Variants in PDIA5 observed in about 807,000 individuals in gnomAD.
The protein encoded by PDIA5 is protein disulfide-isomerase A5.
A neutral mutation model predicts 77.6 loss-of-function variants in PDIA5; 58 were observed. That is an observed-to-expected ratio of 0.75 (90% CI 0.61 to 0.93). The LOEUF (loss-of-function observed/expected upper bound fraction) is 0.93. PDIA5 is among the 40% of genes least tolerant of loss of function. PDIA5 has a pLI of 0.00. For synonymous variants in PDIA5, 250 were observed against 252.1 expected, an observed-to-expected ratio of 0.99 and a Z score of 0.08; for missense variants, 630 against 647.7, an observed-to-expected ratio of 0.97 and a Z score of 0.30.
Position 123,098,197 on chromosome 3 carries a change from C to T in PDIA5, c.258-4214C>T, listed in dbSNP as rs143565691. Among the ~76,000 whole-genome samples, 624 of 152,236 alleles carry T rather than the reference C, an allele frequency of 4.1e-3. 5 individuals carry two copies. The highest frequency in any genetic ancestry group is 0.014 in the African/African-American group (577 of 41,514). Reference sequence around the variant, plus strand: ...TCCATTCAGCTTATGTGGATAACTCCGGCATTTTGCAGCTCAGGAAACTAA... The same window carrying T: ...TCCATTCAGCTTATGTGGATAACTCTGGCATTTTGCAGCTCAGGAAACTAA... On this transcript the variant is annotated intron_variant, in intron 3 of 16. Coordinates refer to ENST00000316218, the MANE Select transcript of PDIA5 (RefSeq NM_006810.4).
At chr3:123,088,319 G>A (rs1297781086) in intron 1 of PDIA5, among the ~76,000 whole-genome samples, 3 of 152,098 alleles carry the variant, frequency 2.0e-5, no homozygotes, top group Non-Finnish European at 4.4e-5. Context: ...AGTTCCCGAA[G>A]TTTTCCAGGG....
chr3:123,115,046 G>A lies in PDIA5; in HGVS notation c.542-1185G>A, dbSNP rs991727988. 3.9e-5 allele frequency among the ~76,000 whole-genome samples: 6 copies of A among 152,230 alleles called. No homozygotes were observed. In the South Asian group the frequency reaches 6.2e-4, roughly 16 times the overall value. On this transcript the variant is annotated intron_variant, in intron 7 of 16. Coordinates refer to ENST00000316218, the MANE Select transcript of PDIA5 (RefSeq NM_006810.4). The stretch of plus-strand genomic sequence containing the variant: ...AGGAATGTTGGCCTTCTGGCTTCAC[G>A]GCCTGTCTAGGCGTCAGCTAAGCAT...
chr3:123,079,422 C>T (rs1018390605), intron 1 of PDIA5, among the ~76,000 whole-genome samples: 9 of 151,952 alleles, frequency 5.9e-5, no homozygotes, highest in Admixed American at 4.6e-4. Context: ...CCTCGTGATC[C>T]GCCCACCTCG....
At chr3:123,150,389 G>A (rs1453224659) in intron 14 of PDIA5, 25 bp downstream of exon 14, 1 of 1,608,400 alleles carries the variant, frequency 6.2e-7, no homozygotes, top group East Asian at 2.2e-5. Flanking sequence ...TGCTCACTGA[G>A]TGGCACAGTA....
At chr3:123,129,204 C>T (rs1398963764) in intron 10 of PDIA5, among the ~76,000 whole-genome samples, 2 of 152,240 alleles carry the variant, frequency 1.3e-5, no homozygotes, top group Non-Finnish European at 2.9e-5. Context: ...ACCTAGATTG[C>T]ATGATGTTTG....
chr3:123,113,156 T>A (rs868194004), intron 7 of PDIA5, among the ~76,000 whole-genome samples: 9 of 152,228 alleles, frequency 5.9e-5, no homozygotes, highest in African/African-American at 2.2e-4. Flanking sequence ...TGGGCCTCCT[T>A]TGGTATATCT....
intron 11 of PDIA5, among the ~76,000 whole-genome samples, chr3:123,135,745 C>CTTTTTTTTTTTTTTTTTTTTTTT: frequency 1.2e-5 from 1 of 80,468 alleles, no homozygotes; most frequent in Middle Eastern, 0.013. Context: ...GAGGTAACAA[C>CTTTTTTTTTTTTTTTTTTTTTTT]TTTTTTTTTT....
intron 11 of PDIA5, among the ~76,000 whole-genome samples, chr3:123,135,167 TCTC>T (rs534420735): frequency 1.3e-3 from 199 of 152,288 alleles, no homozygotes; most frequent in Non-Finnish European, 1.6e-3. Context: ...TGGCCACTCA[TCTC>T]CTCTTGTCAC....
At chr3:123,089,779 T>C (rs775090103) in intron 2 of PDIA5, among the ~76,000 whole-genome samples, 10 of 152,220 alleles carry the variant, frequency 6.6e-5, no homozygotes, top group Non-Finnish European at 8.8e-5. Context: ...CCATCTGTCC[T>C]GCTCTGGGGT....
At chr3:123,127,829 A>G (rs1054291766) in intron 10 of PDIA5, among the ~76,000 whole-genome samples, 2 of 152,190 alleles carry the variant, frequency 1.3e-5, no homozygotes, top group Non-Finnish European at 2.9e-5. Flanking sequence ...TTTTCCCTGA[A>G]TGAGGGGAAT....
chr3:123,153,828 T>C (rs940421771), intron 14 of PDIA5, among the ~76,000 whole-genome samples: 42 of 152,256 alleles, frequency 2.8e-4, no homozygotes, highest in African/African-American at 1.0e-3. Flanking sequence ...CAGTCATTAT[T>C]ATCTTATTTT....
chr3:123,069,819 G>C (rs1180160731), intron 1 of PDIA5, among the ~76,000 whole-genome samples: 1 of 152,176 alleles, frequency 6.6e-6, no homozygotes, highest in Non-Finnish European at 1.5e-5. Flanking sequence ...GCCGGGCACA[G>C]TTGCTCACAC....
At chr3:123,097,689 G>GC (rs1363252398) in intron 3 of PDIA5, among the ~76,000 whole-genome samples, 51 of 144,138 alleles carry the variant, frequency 3.5e-4, no homozygotes, top group African/African-American at 1.3e-3. Flanking sequence ...ACTCGCCCCC[G>GC]CCCCCTCCCC....
intron 1 of PDIA5, among the ~76,000 whole-genome samples, chr3:123,072,912 CTGTGTGTGTGTG>C (rs66567660): frequency 6.8e-6 from 1 of 146,824 alleles, no homozygotes; most frequent in Non-Finnish European, 1.5e-5. Flanking sequence ...ACCTCTCCTT[CTGTGTGTGTGTG>C]TGTGTGTGTG....
intron 11 of PDIA5, among the ~76,000 whole-genome samples, chr3:123,132,144 G>A (rs931173473): frequency 6.6e-6 from 1 of 152,254 alleles, no homozygotes; most frequent in South Asian, 2.1e-4. Flanking sequence ...TTTTACAGAT[G>A]AGACCGTCAC....
chr3:123,099,070 C>T (rs1297229616), intron 3 of PDIA5, among the ~76,000 whole-genome samples: 1 of 152,352 alleles, frequency 6.6e-6, no homozygotes, highest in African/African-American at 2.4e-5. Context: ...CACACACACA[C>T]ACACACTACT....
chr3:123,094,096 G>C (rs1340403221), intron 3 of PDIA5, among the ~76,000 whole-genome samples: 3 of 152,212 alleles, frequency 2.0e-5, no homozygotes, highest in Non-Finnish European at 1.5e-5. Flanking sequence ...GTGCCAATGA[G>C]AATATCCTGT....
chr3:123,131,501 C>T (rs966965874), intron 11 of PDIA5, among the ~76,000 whole-genome samples: 1 of 150,842 alleles, frequency 6.6e-6, no homozygotes. Flanking sequence ...CACCTCTTAC[C>T]TTACAAGTGG....
chr3:123,151,442 T>G (rs975084167), intron 14 of PDIA5, among the ~76,000 whole-genome samples: 1 of 152,214 alleles, frequency 6.6e-6, no homozygotes, highest in African/African-American at 2.4e-5. Flanking sequence ...GCTCTCTCTA[T>G]GTCACAGGCA....
Sources: gnomAD v4.1 joint callset for allele counts (sites outside exome capture counted in the v4.1 genomes callset) on GRCh38, gnomAD v4.1.1 for gene constraint, MANE v1.5 for transcripts, NCBI Gene and HGNC (gene_info 2026-07-23, HGNC 2026-07-21) for gene names.